The following UBE2O variants were observed in gnomAD, a reference collection of about 807,000 sequenced individuals.
UBE2O encodes the protein ubiquitin conjugating enzyme E2 O, also known as (E3-independent) E2 ubiquitin-conjugating enzyme.
Under a neutral mutation model 125.8 loss-of-function variants are expected in UBE2O, and 15 were observed. That is an observed-to-expected ratio of 0.12 (90% CI 0.08 to 0.18). UBE2O has a LOEUF of 0.18. Ranked by LOEUF, UBE2O falls within the 10% of genes least tolerant of loss-of-function variation. UBE2O has a pLI of 1.00. For missense variants in UBE2O, 1,280 were observed against 1,723.6 expected (o/e 0.74, Z 4.56); for synonymous variants, 708 against 703.2 (o/e 1.01, Z -0.11).
At chr17:76,435,077 G>A (rs1053689080) in intron 1 of UBE2O, among the ~76,000 whole-genome samples, 1 of 152,098 alleles carries the variant, frequency 6.6e-6, no homozygotes, top group Non-Finnish European at 1.5e-5. Context: ...GGGAGGTGAC[G>A]CACCTGGCAA....
At chr17:76,412,784 C>G (rs1282174599) in intron 1 of UBE2O, among the ~76,000 whole-genome samples, 3 of 152,198 alleles carry the variant, frequency 2.0e-5, no homozygotes, top group Non-Finnish European at 4.4e-5. Context: ...CTGAGGCAGA[C>G]AGATCACAAG....
chr17:76,394,823 T>A (rs2072177141), intron 15 of UBE2O, among the ~76,000 whole-genome samples: 1 of 152,174 alleles, frequency 6.6e-6, no homozygotes, highest in Admixed American at 6.5e-5. Flanking sequence ...ATGTTCTAAT[T>A]TTTCAAAAAG....
In UBE2O at chr17:76,400,073, G is replaced by A; in HGVS notation, c.1155+74C>T. 2 of 1,565,270 alleles carry A rather than the reference G, an allele frequency of 1.3e-6. No individual in the cohort carries two copies. The highest frequency in any genetic ancestry group is 1.7e-6 in the Non-Finnish European group (2 of 1,152,942). The stretch of plus-strand genomic sequence containing the variant: ...CCCCCCAAGGCCTAAAGCACAGACT[G>A]TCCTTCTTGGCCATGGAAATGGCTC... On this transcript the variant is annotated intron_variant, in intron 8 of 17. Coordinates refer to ENST00000319380, the MANE Select transcript of UBE2O (RefSeq NM_022066.4). This position sits in a 1 kb window ranked among gnomAD's most constrained non-coding sequence, Gnocchi z 4.3.
rs1168884337 is a variant in UBE2O, at chr17:76,400,996, T to C, written c.894+15A>G. On this transcript the variant is annotated intron_variant, in intron 6 of 17. Coordinates refer to ENST00000319380, the MANE Select transcript of UBE2O (RefSeq NM_022066.4). The surrounding 1 kb of genome is among the most constrained non-coding windows in gnomAD (Gnocchi z 4.3). ...GGTCAAGGACTCCATCTCCTACCCT[T>C]GGGCCCGGACCCACCTCTTCCACCA... The C allele has an allele frequency of 1.2e-6, 2 of 1,613,236 alleles. No individual in the cohort carries two copies. The highest frequency in any genetic ancestry group is 1.7e-5 in the Admixed American group (1 of 60,008).
At position 76,391,256 on chromosome 17, in the gene UBE2O, C is replaced by T. The variant is rs2072107726; in HGVS notation, c.3566G>A (p.Gly1189Glu). Residue 1189 changes from glycine to glutamate, a missense_variant, in exon 18 of 18, where the codon GGG (glycine) becomes GAG (glutamate). Physicochemically the swap from Gly to Glu is moderately conservative, Grantham distance 98. Transcript: ENST00000319380. The surrounding 1 kb of genome is among the most constrained non-coding windows in gnomAD (Gnocchi z 8.4). The stretch of plus-strand genomic sequence containing the variant: ...CTGGGAGGCCTCTCCTGGGGCTGGC[C>T]CTCCATCCTCAGGTTCTTGTTGGCC... ...DSGQQEPEDGGPAPGEASQGS... is the reference protein window; with the variant it reads ...DSGQQEPEDGEPAPGEASQGS... 3 of 1,613,024 alleles carry T rather than the reference C, an allele frequency of 1.9e-6. No homozygotes were observed. The highest frequency in any genetic ancestry group is 2.5e-6 in the Non-Finnish European group (3 of 1,179,864).
At chr17:76,445,082 G>A (rs1329660079) in intron 1 of UBE2O, among the ~76,000 whole-genome samples, 1 of 152,210 alleles carries the variant, frequency 6.6e-6, no homozygotes, top group Non-Finnish European at 1.5e-5. Flanking sequence ...GAACATCATC[G>A]GAGCTGCTGA....
In UBE2O at chr17:76,396,041, C is replaced by T. The variant is rs530994083; in HGVS notation, c.2809+87G>A. 2 of 1,513,974 alleles carry T rather than the reference C, an allele frequency of 1.3e-6. No individual in the cohort carries two copies. The highest frequency in any genetic ancestry group is 2.4e-5 in the South Asian group (2 of 84,716). 93.8% of individuals were successfully genotyped at this position (1,513,974 alleles called of 1,614,324 possible). A position where few individuals can be genotyped will look rare whatever the true frequency, so the allele number is the denominator to read the frequency against. ...CAGTAGCTGGGGTCTGGCGAGGGGA[C>T]TAACCACCCTGCACCCAGATCTGGT... On this transcript the variant is annotated intron_variant, in intron 14 of 17. Coordinates refer to ENST00000319380, the MANE Select transcript of UBE2O (RefSeq NM_022066.4). This position sits in a 1 kb window ranked among gnomAD's most constrained non-coding sequence, Gnocchi z 6.7.
chr17:76,445,834 C>T (rs1024892767), intron 1 of UBE2O, among the ~76,000 whole-genome samples: 1 of 152,336 alleles, frequency 6.6e-6, no homozygotes, highest in East Asian at 1.9e-4. Context: ...TGACAGAGTC[C>T]CCCCGTGGCT....
Position 76,398,710 on chromosome 17 carries a change from G to A in UBE2O, c.1784-126C>T. 6.9e-7 allele frequency: 1 copy of A among 1,458,038 alleles called. No homozygotes were observed. The highest frequency in any genetic ancestry group is 9.4e-7 in the Non-Finnish European group (1 of 1,060,184). The allele number at this position is 1,458,038 out of a possible 1,614,324, so 90.3% of individuals were successfully genotyped here. A position where few individuals can be genotyped will look rare whatever the true frequency, so the allele number is the denominator to read the frequency against. On this transcript the variant is annotated intron_variant, in intron 10 of 17. Transcript: ENST00000319380. This position sits in a 1 kb window ranked among gnomAD's most constrained non-coding sequence, Gnocchi z 5.4. ...CTTGGAAGTGGTGAGACCCCTTCATGAGGGCAGTCCCCTTCTGGACCTCAT... is the reference window on the plus strand; with the variant it reads ...CTTGGAAGTGGTGAGACCCCTTCATAAGGGCAGTCCCCTTCTGGACCTCAT...
chr17:76,447,140 G>C (rs1360110371), intron 1 of UBE2O, among the ~76,000 whole-genome samples: 1 of 152,218 alleles, frequency 6.6e-6, no homozygotes, highest in East Asian at 1.9e-4. Flanking sequence ...TTAAAGAAGG[G>C]ATGATTAATG....
chr17:76,445,121 T>C (rs1378681058), intron 1 of UBE2O, among the ~76,000 whole-genome samples: 1 of 152,200 alleles, frequency 6.6e-6, no homozygotes, highest in Non-Finnish European at 1.5e-5. Context: ...TCTTGCAGGA[T>C]GCAAATGAAG....
chr17:76,433,660 G>A (rs2072938527), intron 1 of UBE2O, among the ~76,000 whole-genome samples: 1 of 151,016 alleles, frequency 6.6e-6, no homozygotes, highest in South Asian at 2.1e-4. Context: ...GAGGTGGAGT[G>A]AGTATTGCGC....
chr17:76,437,277 C>T (rs1457712311), intron 1 of UBE2O, among the ~76,000 whole-genome samples: 1 of 151,168 alleles, frequency 6.6e-6, no homozygotes, highest in Non-Finnish European at 1.5e-5. Flanking sequence ...GGTGAAACCC[C>T]GTCTCTACTA....
chr17:76,437,956 C>T (rs1262950608), intron 1 of UBE2O, among the ~76,000 whole-genome samples: 2 of 152,178 alleles, frequency 1.3e-5, no homozygotes, highest in African/African-American at 2.4e-5. Flanking sequence ...AGGTGTCTCT[C>T]GTTGCCTGGA....
Position 76,404,155 on chromosome 17 carries a change from C to T in UBE2O, c.588+1051G>A, listed in dbSNP as rs974831994. On this transcript the variant is annotated intron_variant, in intron 3 of 17. Coordinates refer to ENST00000319380, the MANE Select transcript of UBE2O (RefSeq NM_022066.4). This position sits in a 1 kb window ranked among gnomAD's most constrained non-coding sequence, Gnocchi z 4.3. ...CGCAGGGGGAACTGTGAATGGAGGC[C>T]AAAGCTGGTGGATTTCAGTTTGACA... Among the ~76,000 whole-genome samples, 9 of 152,142 alleles carry T rather than the reference C, an allele frequency of 5.9e-5. No individual in the cohort carries two copies. The highest frequency in any genetic ancestry group is 2.2e-4 in the African/African-American group (9 of 41,416).
rs1266083283 is a variant in UBE2O at position 76,399,334 on chromosome 17, C to T, written c.1628+115G>A. The T allele has an allele frequency of 9.2e-7, 1 of 1,086,074 alleles. No individual in the cohort carries two copies. Among genetic ancestry groups the T allele is most frequent in the Admixed American group, 2.3e-5 (1 of 43,986 alleles). 67.3% of individuals were successfully genotyped at this position (1,086,074 alleles called of 1,614,324 possible). On this transcript the variant is annotated intron_variant, in intron 9 of 17. Coordinates refer to ENST00000319380, the MANE Select transcript of UBE2O (RefSeq NM_022066.4). The surrounding 1 kb of genome is among the most constrained non-coding windows in gnomAD (Gnocchi z 6.9). ...TTGTCTCGGGTGGGAGCCCCGGAGC[C>T]ACTACAAGGCATGCAGAGGTGTGTG...
chr17:76,431,323 C>G (rs1333792992), intron 1 of UBE2O, among the ~76,000 whole-genome samples: 6 of 151,666 alleles, frequency 4.0e-5, no homozygotes, highest in Middle Eastern at 3.4e-3. Context: ...AGCAGCCTGG[C>G]CAACATGGTG....
chr17:76,423,693 A>AAATAAATAAATAAATAAAT (rs2072747530), intron 1 of UBE2O, among the ~76,000 whole-genome samples: 2 of 135,896 alleles, frequency 1.5e-5, no homozygotes, highest in Admixed American at 7.5e-5. Context: ...ACTCCATCTC[A>AAATAAATAAATAAATAAAT]AAATAAATAA....
chr17:76,431,693 A>G (rs1337151405), intron 1 of UBE2O, among the ~76,000 whole-genome samples: 1 of 152,178 alleles, frequency 6.6e-6, no homozygotes, highest in African/African-American at 2.4e-5. Flanking sequence ...CTGTAATCCC[A>G]GGAGCTGGGA....
Sources: allele counts gnomAD v4.1 joint callset (sites outside exome capture counted in the v4.1 genomes callset), GRCh38; gene constraint gnomAD v4.1.1; non-coding constraint Gnocchi (gnomAD v3.1); transcripts MANE v1.5; gene names NCBI Gene and HGNC (gene_info 2026-07-23, HGNC 2026-07-21).